APBA1: variants seen among roughly 807,000 people sequenced by gnomAD.
The protein encoded by APBA1 is amyloid beta precursor protein binding family A member 1, also known as amyloid-beta A4 precursor protein-binding family A member 1.
A neutral mutation model predicts 86.6 loss-of-function variants in APBA1; 55 were observed. The ratio of observed to expected loss-of-function variants is 0.64; its 90% CI spans 0.51 to 0.80. The LOEUF is 0.80. Ranked by LOEUF, APBA1 falls within the 30% of genes least tolerant of loss-of-function variation. APBA1 has a pLI of 0.00. For missense variants in APBA1, 1,090 were observed against 1,183.0 expected (o/e 0.92, Z 1.15); for synonymous variants, 511 against 493.9 (o/e 1.03, Z -0.46).
chr9:69,453,707 T>C (rs1420506990), intron 8 of APBA1, among the ~76,000 whole-genome samples: 2 of 152,212 alleles, frequency 1.3e-5, no homozygotes, highest in Non-Finnish European at 2.9e-5. Context: ...CTGTACATTG[T>C]GCCATAACCC....
At chr9:69,614,406 C>A (rs1413462651) in intron 1 of APBA1, among the ~76,000 whole-genome samples, 1 of 152,096 alleles carries the variant, frequency 6.6e-6, no homozygotes, top group Non-Finnish European at 1.5e-5. Flanking sequence ...TGATGCTAGA[C>A]CTTCCTTAAA....
chr9:69,510,845 G>A (rs1443551977), intron 2 of APBA1, among the ~76,000 whole-genome samples: 3 of 146,264 alleles, frequency 2.1e-5, no homozygotes, highest in African/African-American at 7.7e-5. Context: ...TTAATAAATG[G>A]TGCTGGGAAA....
chr9:69,434,059 G>C (rs1236809187), intron 11 of APBA1, among the ~76,000 whole-genome samples: 1 of 152,168 alleles, frequency 6.6e-6, no homozygotes, highest in Non-Finnish European at 1.5e-5. Flanking sequence ...TGATCTGCCT[G>C]GCTTCGCCGG....
chr9:69,618,011 C>T (rs1458697466), intron 1 of APBA1, among the ~76,000 whole-genome samples: 5 of 152,150 alleles, frequency 3.3e-5, no homozygotes, highest in African/African-American at 1.2e-4. Context: ...AATACATTTT[C>T]TTAAATCTCA....
intron 1 of APBA1, among the ~76,000 whole-genome samples, chr9:69,555,032 A>T: frequency 6.6e-6 from 1 of 152,202 alleles, no homozygotes; most frequent in East Asian, 1.9e-4. Flanking sequence ...TAAGAAAACG[A>T]CATTCCCATA....
chr9:69,589,989 G>A (rs1564085561), intron 1 of APBA1, among the ~76,000 whole-genome samples: 2 of 152,056 alleles, frequency 1.3e-5, no homozygotes, highest in African/African-American at 2.4e-5. Context: ...GGCTCATGCC[G>A]CTCCTCCTCT....
chr9:69,578,500 G>T (rs1275299029), intron 1 of APBA1, among the ~76,000 whole-genome samples: 1 of 152,136 alleles, frequency 6.6e-6, no homozygotes, highest in Non-Finnish European at 1.5e-5. Context: ...TGAATTTCTG[G>T]ATAAAAGGGG....
intron 2 of APBA1, among the ~76,000 whole-genome samples, chr9:69,494,931 G>A (rs1466783966): frequency 6.6e-6 from 1 of 152,118 alleles, no homozygotes; most frequent in African/African-American, 2.4e-5. Flanking sequence ...TACATGCAAG[G>A]CACTAATCTC....
At chr9:69,645,499 C>G (rs1044576038) in intron 1 of APBA1, among the ~76,000 whole-genome samples, 1 of 152,180 alleles carries the variant, frequency 6.6e-6, no homozygotes, top group Non-Finnish European at 1.5e-5. Context: ...GAGGCAAGAT[C>G]GTCTACCTGA....
At chr9:69,671,980 T>C (rs1466190031) in intron 1 of APBA1, among the ~76,000 whole-genome samples, 173 bp downstream of exon 1, 1 of 152,148 alleles carries the variant, frequency 6.6e-6, no homozygotes, top group East Asian at 1.9e-4. Context: ...CGCTAGCTGA[T>C]GGTTCCAGGC....
intron 1 of APBA1, among the ~76,000 whole-genome samples, chr9:69,545,820 G>T (rs1564073067): frequency 6.6e-6 from 1 of 152,236 alleles, no homozygotes; most frequent in East Asian, 1.9e-4. Context: ...AATGCAAAAA[G>T]AAAGAGTATT....
At chr9:69,611,285 G>GAAAAAAAAAGAA (rs1822581367) in intron 1 of APBA1, among the ~76,000 whole-genome samples, 1 of 111,912 alleles carries the variant, frequency 8.9e-6, no homozygotes, top group Non-Finnish European at 1.8e-5. Flanking sequence ...ACCAGAAAAG[G>GAAAAAAAAAGAA]AAAAAAAAAA....
At chr9:69,493,565 G>C (rs1238538217) in intron 2 of APBA1, among the ~76,000 whole-genome samples, 2 of 152,008 alleles carry the variant, frequency 1.3e-5, no homozygotes, top group Non-Finnish European at 2.9e-5. Flanking sequence ...AAGATATAAT[G>C]CTACAGGACA....
chr9:69,559,939 A>G (rs900066605), intron 1 of APBA1, among the ~76,000 whole-genome samples: 2 of 152,190 alleles, frequency 1.3e-5, no homozygotes, highest in African/African-American at 4.8e-5. Flanking sequence ...CTGCATCACT[A>G]GAGTAGTTTT....
chr9:69,434,453 G>A (rs1366070592), intron 11 of APBA1, among the ~76,000 whole-genome samples: 1 of 152,100 alleles, frequency 6.6e-6, no homozygotes, highest in Non-Finnish European at 1.5e-5. Context: ...GGGAGCCTGG[G>A]ATACCAGCAC....
At chr9:69,640,165 C>T (rs945385843) in intron 1 of APBA1, among the ~76,000 whole-genome samples, 6 of 152,070 alleles carry the variant, frequency 3.9e-5, no homozygotes, top group African/African-American at 1.4e-4. Flanking sequence ...TGCATATGTA[C>T]AACTCCTAAA....
intron 2 of APBA1, among the ~76,000 whole-genome samples, chr9:69,490,610 T>C (rs1835693141): frequency 6.6e-6 from 1 of 151,964 alleles, no homozygotes; most frequent in Non-Finnish European, 1.5e-5. Context: ...AAATGGGATC[T>C]AATTAAACTA....
At chr9:69,655,272 A>ACTGGCAGAT (rs1167962108) in intron 1 of APBA1, among the ~76,000 whole-genome samples, 1 of 152,180 alleles carries the variant, frequency 6.6e-6, no homozygotes, top group Non-Finnish European at 1.5e-5. Flanking sequence ...TATTGCCCCT[A>ACTGGCAGAT]CTGGCAGATA....
chr9:69,654,112 CAAAAAAAAAA>C (rs34666773), intron 1 of APBA1, among the ~76,000 whole-genome samples: 1 of 60,418 alleles, frequency 1.7e-5, no homozygotes, highest in Non-Finnish European at 3.6e-5. Flanking sequence ...AACTCCATCT[CAAAAAAAAAA>C]AAAAAAAAAA....
Sources: allele counts gnomAD v4.1 joint callset (sites outside exome capture counted in the v4.1 genomes callset), GRCh38; gene constraint gnomAD v4.1.1; transcripts MANE v1.5; gene names NCBI Gene and HGNC (gene_info 2026-07-23, HGNC 2026-07-21).